The following RAPGEF6 variants were observed in gnomAD, a reference collection of about 807,000 sequenced individuals.
RAPGEF6 encodes the protein PDZ domain containing guanine nucleotide exchange factor (GEF) 2.
Under a neutral mutation model 171.4 loss-of-function variants are expected in RAPGEF6, and 56 were observed. The ratio of observed to expected loss-of-function variants is 0.33; its 90% CI spans 0.26 to 0.41. The LOEUF is 0.41. Ranked by LOEUF, RAPGEF6 falls within the 10% of genes least tolerant of loss-of-function variation. The pLI is 1.00. For missense variants in RAPGEF6, 1,674 were observed against 1,921.4 expected, an observed-to-expected ratio of 0.87 and a Z score of 2.41; for synonymous variants, 692 against 650.1, an observed-to-expected ratio of 1.06 and a Z score of -0.98.
In RAPGEF6 at chr5:131,521,452, T is replaced by C; in HGVS notation, c.565A>G (p.Ser189Gly). The C allele has an allele frequency of 6.2e-7, 1 of 1,612,888 alleles. No individual in the cohort carries two copies. Among genetic ancestry groups the C allele is most frequent in the South Asian group, 1.1e-5 (1 of 90,984 alleles). The change falls in exon 7 of 28, where the codon AGT becomes GGT. Residue 189 changes from serine to glycine, a missense_variant. By Grantham distance (56) the Ser-to-Gly change is moderately conservative. Coordinates refer to ENST00000509018, the MANE Select transcript of RAPGEF6 (RefSeq NM_016340.6). ...PHPQVTHVSS[S>G]QSGCSIASDS... The stretch of plus-strand genomic sequence containing the variant: ...CTGGCAATGCTACAACCAGACTGAC[T>C]AGAAGACACATGAGTCACCTGTGGA...
intron 3 of RAPGEF6, among the ~76,000 whole-genome samples, chr5:131,595,007 G>A (rs2150006154): frequency 6.6e-6 from 1 of 152,328 alleles, no homozygotes; most frequent in South Asian, 2.1e-4. Flanking sequence ...GCTGGATTGA[G>A]TTAAGACTTT....
At chr5:131,527,264 G>A (rs1758933843) in intron 6 of RAPGEF6, among the ~76,000 whole-genome samples, 1 of 151,794 alleles carries the variant, frequency 6.6e-6, no homozygotes, top group African/African-American at 2.4e-5. Flanking sequence ...AGGCCACTTA[G>A]GTCACAACAG....
At chr5:131,455,186 AC>A (rs1753393015) in intron 20 of RAPGEF6, among the ~76,000 whole-genome samples, 1 of 152,266 alleles carries the variant, frequency 6.6e-6, no homozygotes, top group Non-Finnish European at 1.5e-5. Context: ...TTAAATACTG[AC>A]TTTATTAAGC....
chr5:131,466,145 G>GAATATAC (rs1473755323), intron 17 of RAPGEF6, among the ~76,000 whole-genome samples: 1 of 148,368 alleles, frequency 6.7e-6, no homozygotes, highest in Non-Finnish European at 1.5e-5. Flanking sequence ...AGATTCAACT[G>GAATATAC]AATATACATG....
At chr5:131,512,262 AGGCAGACGG>A (rs923363435) in intron 7 of RAPGEF6, among the ~76,000 whole-genome samples, 1 of 152,168 alleles carries the variant, frequency 6.6e-6, no homozygotes, top group Admixed American at 6.5e-5. Flanking sequence ...GACCAGAAAC[AGGCAGACGG>A]GGCAGACGTA....
intron 26 of RAPGEF6, 83 bp from the exon 27 acceptor site, chr5:131,429,299 G>T: frequency 1.7e-6 from 2 of 1,166,094 alleles, no homozygotes; most frequent in Non-Finnish European, 2.4e-6. Context: ...TTATTACAAT[G>T]ACAAAATACA....
Position 131,492,832 on chromosome 5 carries a change from T to C in RAPGEF6, c.1528-47A>G, listed in dbSNP as rs370500809. ...ATGTATATAAATGTATCTATTCCTATAGGTTTTTAAAAAGTCAACGAAAAT... is the reference window on the plus strand; with the variant it reads ...ATGTATATAAATGTATCTATTCCTACAGGTTTTTAAAAAGTCAACGAAAAT... On this transcript the variant is annotated intron_variant, in intron 13 of 27. Transcript: ENST00000509018. 3.5e-4 allele frequency: 541 copies of C among 1,531,092 alleles called. 1 individual carries two copies. The African/African-American group carries it at 6.2e-3, about 17-fold the overall frequency. The allele number at this position is 1,531,092 out of a possible 1,614,324, so 94.8% of individuals were successfully genotyped here.
chr5:131,492,891 A>T, intron 13 of RAPGEF6, 106 bp from the exon 14 acceptor site: 1 of 1,104,234 alleles, frequency 9.1e-7, no homozygotes, highest in Non-Finnish European at 1.3e-6. Context: ...TACATGTATA[A>T]GCTGAGGTAA....
chr5:131,626,241 T>C (rs1464037040), intron 1 of RAPGEF6, among the ~76,000 whole-genome samples: 2 of 152,130 alleles, frequency 1.3e-5, no homozygotes, highest in Non-Finnish European at 2.9e-5. Context: ...TTCAGACAAT[T>C]TTTCGTAAGC....
intron 1 of RAPGEF6, among the ~76,000 whole-genome samples, chr5:131,623,477 C>CA (rs1554088737): frequency 2.6e-5 from 3 of 114,180 alleles, no homozygotes; most frequent in Non-Finnish European, 3.6e-5. Flanking sequence ...TTTCACATTG[C>CA]TTTTTTTTTT....
At chr5:131,519,252 G>A (rs928376585) in intron 7 of RAPGEF6, among the ~76,000 whole-genome samples, 1 of 152,166 alleles carries the variant, frequency 6.6e-6, no homozygotes, top group Non-Finnish European at 1.5e-5. Flanking sequence ...TAGTATCTTT[G>A]CAAAGATGTA....
chr5:131,570,602 T>C (rs966701583), intron 4 of RAPGEF6, among the ~76,000 whole-genome samples: 1 of 152,164 alleles, frequency 6.6e-6, no homozygotes, highest in Non-Finnish European at 1.5e-5. Flanking sequence ...GTATCAACAA[T>C]TTAAAAAATG....
chr5:131,465,150 T>TTAA (rs1268307009), intron 17 of RAPGEF6, among the ~76,000 whole-genome samples: 1 of 152,102 alleles, frequency 6.6e-6, no homozygotes, highest in Non-Finnish European at 1.5e-5. Flanking sequence ...AAGTGGAAAA[T>TTAA]GTTAGTTTCC....
At chr5:131,428,861 G>C in intron 27 of RAPGEF6, 41 bp downstream of exon 27, 1 of 1,545,670 alleles carries the variant, frequency 6.5e-7, no homozygotes. Context: ...AATGTGTTCA[G>C]CAATTCATTT....
chr5:131,489,068 A>G (rs1483180123), intron 15 of RAPGEF6, among the ~76,000 whole-genome samples: 1 of 152,216 alleles, frequency 6.6e-6, no homozygotes. Flanking sequence ...CTCTTATTAG[A>G]AATCTGTAAT....
chr5:131,589,574 T>C (rs1048576964), intron 4 of RAPGEF6, among the ~76,000 whole-genome samples: 1 of 152,236 alleles, frequency 6.6e-6, no homozygotes, highest in Non-Finnish European at 1.5e-5. Context: ...GGGAGTGGAC[T>C]GTGACAGTTA....
chr5:131,622,348 G>A (rs2150035103), intron 1 of RAPGEF6, among the ~76,000 whole-genome samples: 3 of 152,320 alleles, frequency 2.0e-5, no homozygotes, highest in Middle Eastern at 6.8e-3. Context: ...TGATGAGCCT[G>A]ACTACACGAC....
intron 1 of RAPGEF6, among the ~76,000 whole-genome samples, chr5:131,621,530 T>C (rs982473823): frequency 3.3e-5 from 5 of 152,036 alleles, no homozygotes; most frequent in African/African-American, 9.7e-5. Flanking sequence ...AGCCAGGAGT[T>C]TGAGGATCCA....
intron 23 of RAPGEF6, 60 bp from the exon 24 acceptor site, chr5:131,439,775 G>C: frequency 6.3e-7 from 1 of 1,576,838 alleles, no homozygotes; most frequent in Admixed American, 1.8e-5. Context: ...GTCTATAGTT[G>C]CCTAAATCAC....
Sources: gnomAD v4.1 joint callset for allele counts (sites outside exome capture counted in the v4.1 genomes callset) on GRCh38, gnomAD v4.1.1 for gene constraint, MANE v1.5 for transcripts, NCBI Gene and HGNC (gene_info 2026-07-23, HGNC 2026-07-21) for gene names.